NRCAM: variants seen among roughly 807,000 people sequenced by gnomAD.
NRCAM encodes NgCAM-related cell adhesion molecule.
A neutral mutation model predicts 156.5 loss-of-function variants in NRCAM; 83 were observed. The ratio of observed to expected loss-of-function variants is 0.53; its 90% CI spans 0.44 to 0.64. The LOEUF is 0.64. NRCAM is among the 30% of genes least tolerant of loss of function. NRCAM has a pLI of 0.00. For missense variants in NRCAM, 1,417 were observed against 1,597.3 expected (o/e 0.89, Z 1.92); for synonymous variants, 538 against 563.9 (o/e 0.95, Z 0.65).
At chr7:108,423,057 T>C (rs1474954265) in intron 1 of NRCAM, among the ~76,000 whole-genome samples, 2 of 151,976 alleles carry the variant, frequency 1.3e-5, no homozygotes, top group African/African-American at 4.8e-5. Context: ...TGGTTACCTC[T>C]GGAGAGAAGG....
At chr7:108,258,177 C>T (rs1352197837) in intron 3 of NRCAM, among the ~76,000 whole-genome samples, 1 of 152,126 alleles carries the variant, frequency 6.6e-6, no homozygotes, top group Admixed American at 6.5e-5. Context: ...CAGTTAACAC[C>T]CTCAGCTTCA....
chr7:108,327,655 A>G (rs1290195233), intron 2 of NRCAM, among the ~76,000 whole-genome samples: 1 of 152,170 alleles, frequency 6.6e-6, no homozygotes, highest in Non-Finnish European at 1.5e-5. Context: ...TGGTCTTTGA[A>G]GATGTTTCAA....
chr7:108,292,277 T>A (rs2098324374), intron 3 of NRCAM, among the ~76,000 whole-genome samples: 1 of 152,200 alleles, frequency 6.6e-6, no homozygotes, highest in African/African-American at 2.4e-5. Flanking sequence ...TCCTAATCGG[T>A]AAAATAATAT....
chr7:108,318,520 C>T (rs2098959924), intron 2 of NRCAM, among the ~76,000 whole-genome samples: 1 of 152,068 alleles, frequency 6.6e-6, no homozygotes, highest in African/African-American at 2.4e-5. Context: ...AGGAACGTTC[C>T]ACAGGGTGGA....
At chr7:108,425,922 C>T (rs1384121766) in intron 1 of NRCAM, among the ~76,000 whole-genome samples, 3 of 152,236 alleles carry the variant, frequency 2.0e-5, no homozygotes, top group East Asian at 3.8e-4. Context: ...CTCTCATTGC[C>T]ACTATTGCTC....
At chr7:108,391,184 C>G (rs531495405) in intron 2 of NRCAM, among the ~76,000 whole-genome samples, 6 of 152,176 alleles carry the variant, frequency 3.9e-5, no homozygotes, top group Admixed American at 3.3e-4. Flanking sequence ...GTTAAAGTCT[C>G]CCATTATTAT....
chr7:108,161,912 T>A (rs1385760357), intron 30 of NRCAM, among the ~76,000 whole-genome samples: 2 of 152,242 alleles, frequency 1.3e-5, no homozygotes, highest in African/African-American at 4.8e-5. Flanking sequence ...TTGAGCTGTA[T>A]CATAGCCACA....
intron 2 of NRCAM, among the ~76,000 whole-genome samples, chr7:108,335,995 T>G (rs958714645): frequency 6.6e-6 from 1 of 152,216 alleles, no homozygotes; most frequent in Non-Finnish European, 1.5e-5. Context: ...TCCTATTTGA[T>G]TTGAAATGAC....
intron 3 of NRCAM, among the ~76,000 whole-genome samples, chr7:108,283,246 T>C (rs1395435081): frequency 3.3e-5 from 5 of 152,358 alleles, no homozygotes; most frequent in East Asian, 1.9e-4. Flanking sequence ...CATAACTGTC[T>C]TTAGTATGAC....
At chr7:108,396,380 T>C (rs1292042986) in intron 2 of NRCAM, among the ~76,000 whole-genome samples, 1 of 152,220 alleles carries the variant, frequency 6.6e-6, no homozygotes, top group African/African-American at 2.4e-5. Flanking sequence ...CAATTCATTG[T>C]CTTCAAGACC....
intron 12 of NRCAM, among the ~76,000 whole-genome samples, chr7:108,209,088 G>C (rs2082698023): frequency 6.6e-6 from 1 of 152,104 alleles, no homozygotes. Flanking sequence ...CAAATATCCT[G>C]TTTCTCCTTA....
chr7:108,156,809 C>G (rs1477499224), intron 32 of NRCAM, among the ~76,000 whole-genome samples: 1 of 152,072 alleles, frequency 6.6e-6, no homozygotes, highest in Non-Finnish European at 1.5e-5. Flanking sequence ...AAAACAGAGA[C>G]AGGAACCTGG....
chr7:108,351,876 A>G (rs766679944), intron 2 of NRCAM, among the ~76,000 whole-genome samples: 1 of 152,120 alleles, frequency 6.6e-6, no homozygotes, highest in African/African-American at 2.4e-5. Context: ...CTACAGTGCA[A>G]TTATGTTGTT....
chr7:108,191,576 C>T (rs919683984), intron 18 of NRCAM, among the ~76,000 whole-genome samples, 153 bp downstream of exon 18: 1 of 152,204 alleles, frequency 6.6e-6, no homozygotes, highest in Non-Finnish European at 1.5e-5. Context: ...AAATTATTGC[C>T]TCCAAGGCAT....
At chr7:108,207,726 T>G (rs1394173068) in intron 12 of NRCAM, 67 bp from the exon 13 acceptor site, 2 of 1,382,830 alleles carry the variant, frequency 1.4e-6, no homozygotes, top group East Asian at 2.3e-5. Flanking sequence ...AAGAACATAT[T>G]GAACTATTTT....
chr7:108,232,368 G>T lies in NRCAM; in HGVS notation c.385C>A (p.Arg129Ser). The change falls in exon 7 of 33, where the codon CGC (arginine) becomes AGC (serine). Residue 129 changes from arginine to serine, a missense_variant. Arg to Ser is a moderately radical substitution (Grantham distance 110). Coordinates refer to ENST00000379028, the MANE Select transcript of NRCAM (RefSeq NM_001037132.4). ...GVYQCTARNE[R>S]GAAVSNNIVV... Reference sequence around the variant, plus strand: ...ATGTTATTAGAAACTGCAGCTCCGCGTTCGTTCCTTGCTGTACACTGATAG... The same window carrying T: ...ATGTTATTAGAAACTGCAGCTCCGCTTTCGTTCCTTGCTGTACACTGATAG... 1 of 1,610,344 alleles carries T rather than the reference G, an allele frequency of 6.2e-7. No individual in the cohort carries two copies. Among genetic ancestry groups the T allele is most frequent in the Non-Finnish European group, 8.5e-7 (1 of 1,178,808 alleles).
At chr7:108,303,456 T>C (rs995502874) in intron 3 of NRCAM, among the ~76,000 whole-genome samples, 1 of 152,150 alleles carries the variant, frequency 6.6e-6, no homozygotes, top group African/African-American at 2.4e-5. Flanking sequence ...CTCCTACTGG[T>C]TTCCAGCTTC....
intron 15 of NRCAM, 140 bp downstream of exon 15, chr7:108,195,620 GA>G (rs34680676): frequency 1.5e-5 from 8 of 542,656 alleles, no homozygotes; most frequent in South Asian, 2.5e-5. Context: ...TGTCTCACAA[GA>G]AAAAAAAATA....
intron 2 of NRCAM, among the ~76,000 whole-genome samples, chr7:108,315,008 C>T (rs113858826): frequency 6.2e-5 from 9 of 146,206 alleles, no homozygotes; most frequent in African/African-American, 1.9e-4. Context: ...ATTGCCCCCA[C>T]CCCCCCAACA....
Sources: allele counts gnomAD v4.1 joint callset (sites outside exome capture counted in the v4.1 genomes callset), GRCh38; gene constraint gnomAD v4.1.1; transcripts MANE v1.5; gene names NCBI Gene and HGNC (gene_info 2026-07-23, HGNC 2026-07-21).